Variants in SLC18A2 observed in about 807,000 individuals in gnomAD.
The protein encoded by SLC18A2 is solute carrier family 18 member A2.
In SLC18A2, 33 loss-of-function variants were observed where a neutral mutation model predicts 59.2. The ratio of observed to expected loss-of-function variants is 0.56; its 90% CI spans 0.42 to 0.75. The LOEUF (loss-of-function observed/expected upper bound fraction) is 0.75. SLC18A2 is among the 30% of genes least tolerant of loss of function. The probability of loss-of-function intolerance (pLI) is 0.00; values close to 1 mark genes in which losing one functional copy is unlikely to be tolerated. For missense variants in SLC18A2, 569 were observed against 668.6 expected (o/e 0.85, Z 1.64); for synonymous variants, 228 against 253.5 (o/e 0.90, Z 0.95).
chr10:117,275,570 G>A (rs576257577), intron 15 of SLC18A2, among the ~76,000 whole-genome samples: 76 of 152,278 alleles, frequency 5.0e-4, no homozygotes, highest in Non-Finnish European at 8.8e-4. Flanking sequence ...TAACTACCAC[G>A]GAGTGCTGCA....
chr10:117,257,985 G>A (rs188249434), intron 10 of SLC18A2, 93 bp downstream of exon 10: 41 of 766,876 alleles, frequency 5.3e-5, no homozygotes, highest in Admixed American at 2.0e-4. Flanking sequence ...GCCCTTATGG[G>A]GATGATAAAG....
intron 3 of SLC18A2, among the ~76,000 whole-genome samples, chr10:117,251,722 C>T (rs896563872): frequency 1.1e-4 from 16 of 152,106 alleles, no homozygotes; most frequent in Admixed American, 3.9e-4. Flanking sequence ...CTATATATGC[C>T]GTTTGGGTAC....
At chr10:117,275,603 C>T (rs1025366047) in intron 15 of SLC18A2, among the ~76,000 whole-genome samples, 1 of 152,202 alleles carries the variant, frequency 6.6e-6, no homozygotes, top group African/African-American at 2.4e-5. Flanking sequence ...CTGCCCCATC[C>T]TAGCTGTACA....
rs2133752765 is a variant in SLC18A2 at position 117,279,374 on chromosome 10, G to A, written c.*2108G>A. On this transcript the variant is annotated 3_prime_UTR_variant, in exon 16 of 16. Coordinates refer to ENST00000644641, the MANE Select transcript of SLC18A2 (RefSeq NM_003054.6). ...GCAATGAATATTCAACTGTTTGACT[G>A]CTAAGTGTATCTGTCCATATTTTAG... 3 of 152,278 alleles carry A rather than the reference G, an allele frequency of 2.0e-5. No homozygotes were observed. The Middle Eastern group carries it at 0.01, about 522-fold the overall frequency. 9.4% of individuals were successfully genotyped at this position (152,278 alleles called of 1,614,324 possible).
chr10:117,241,662 G>C lies in SLC18A2; in HGVS notation c.-15-17G>C, dbSNP rs774960199. On this transcript the variant is annotated splice_polypyrimidine_tract_variant and intron_variant, in intron 1 of 15. Coordinates refer to ENST00000644641, the MANE Select transcript of SLC18A2 (RefSeq NM_003054.6). ...TCCACGGCCGCCTTGGGTCCTCACC[G>C]CGCACCGCGCCCGCAGCGGAGCCCC... The C allele has an allele frequency of 3.9e-6, 6 of 1,546,946 alleles. No individual in the cohort carries two copies. Among genetic ancestry groups the C allele is most frequent in the Non-Finnish European group, 5.2e-6 (6 of 1,148,994 alleles).
chr10:117,261,849 G>C (rs1014098196), intron 10 of SLC18A2, among the ~76,000 whole-genome samples: 2 of 152,240 alleles, frequency 1.3e-5, no homozygotes, highest in Non-Finnish European at 2.9e-5. Flanking sequence ...AGATGGTGAT[G>C]ATGGTTGCTC....
intron 3 of SLC18A2, among the ~76,000 whole-genome samples, chr10:117,251,907 T>C (rs1468746560): frequency 1.3e-5 from 2 of 152,060 alleles, no homozygotes; most frequent in Non-Finnish European, 2.9e-5. Flanking sequence ...TGGGTGTAAA[T>C]GCTTGGAGAA....
chr10:117,253,397 A>G lies in SLC18A2; in HGVS notation c.465-2A>G. 6.2e-7 allele frequency: 1 copy of G among 1,611,608 alleles called. No individual in the cohort carries two copies. Among genetic ancestry groups the G allele is most frequent in the South Asian group, 1.1e-5 (1 of 91,030 alleles). ...GATTTGTCTGATGTTTGTGTTTTGCAGAATTGGCTATCCAATTCCCATATT... is the reference window on the plus strand; with the variant it reads ...GATTTGTCTGATGTTTGTGTTTTGCGGAATTGGCTATCCAATTCCCATATT... On this transcript the variant is annotated splice_acceptor_variant, in intron 3 of 15. Transcript: ENST00000644641. LOFTEE classifies it high-confidence loss of function.
rs1208262023 is a variant in SLC18A2 at position 117,253,418 on chromosome 10, A to G, written c.484A>G (p.Ile162Val). ...TTGCAGAATTGGCTATCCAATTCCCATATTTGCGGGATTCTGCATCATGTT... is the reference window on the plus strand; with the variant it reads ...TTGCAGAATTGGCTATCCAATTCCCGTATTTGCGGGATTCTGCATCATGTT... ...LTNRIGYPIP[I>V]FAGFCIMFVS... Residue 162 changes from isoleucine (I) to valine (V), a missense_variant, in exon 4 of 16, where the codon ATA becomes GTA. Coordinates refer to ENST00000644641, the MANE Select transcript of SLC18A2 (RefSeq NM_003054.6). The G allele has an allele frequency of 1.2e-6, 2 of 1,613,742 alleles. No homozygotes were observed. Among genetic ancestry groups the G allele is most frequent in the Non-Finnish European group, 1.7e-6 (2 of 1,179,766 alleles).
At chr10:117,264,373 G>A (rs1051694675) in intron 10 of SLC18A2, among the ~76,000 whole-genome samples, 5 of 152,354 alleles carry the variant, frequency 3.3e-5, no homozygotes, top group Non-Finnish European at 5.9e-5. Flanking sequence ...CACTTTGGGA[G>A]GCTGAGGCAG....
intron 10 of SLC18A2, among the ~76,000 whole-genome samples, chr10:117,262,093 G>C (rs1176229492): frequency 6.6e-6 from 1 of 152,162 alleles, no homozygotes; most frequent in Non-Finnish European, 1.5e-5. Flanking sequence ...TTTTAGTAGA[G>C]ACAGGGTTTC....
intron 4 of SLC18A2, 77 bp downstream of exon 4, chr10:117,253,534 A>C: frequency 5.1e-6 from 2 of 390,942 alleles, no homozygotes; most frequent in East Asian, 1.6e-4. Flanking sequence ...GGGAATTAAC[A>C]ATACAACCTA....
rs149937972 is a variant in SLC18A2 at position 117,249,158 on chromosome 10, G to A, written c.465-4241G>A. On this transcript the variant is annotated intron_variant, in intron 3 of 15. Coordinates refer to ENST00000644641, the MANE Select transcript of SLC18A2 (RefSeq NM_003054.6). ...CAGCTTCTCTATGGACAGGGAAACCGGCTGTTCTGAGAAGAGATCTCCCAT... is the reference window on the plus strand; with the variant it reads ...CAGCTTCTCTATGGACAGGGAAACCAGCTGTTCTGAGAAGAGATCTCCCAT... Among the ~76,000 whole-genome samples, 59 of 152,306 alleles carry A rather than the reference G, an allele frequency of 3.9e-4. No homozygotes were observed. The East Asian group carries it at 0.011, about 28-fold the overall frequency.
chr10:117,275,018 C>T (rs1844469024), intron 15 of SLC18A2, among the ~76,000 whole-genome samples: 1 of 152,166 alleles, frequency 6.6e-6, no homozygotes, highest in South Asian at 2.1e-4. Context: ...CATTTTTTAA[C>T]CTGCTCCATC....
chr10:117,276,130 A>T (rs963329032), intron 15 of SLC18A2, among the ~76,000 whole-genome samples: 6 of 151,790 alleles, frequency 4.0e-5, no homozygotes, highest in African/African-American at 1.5e-4. Context: ...CTCTACAAAA[A>T]AAAAAAAATT....
chr10:117,250,113 G>C (rs1844145663), intron 3 of SLC18A2, among the ~76,000 whole-genome samples: 1 of 152,174 alleles, frequency 6.6e-6, no homozygotes, highest in Admixed American at 6.5e-5. Context: ...TCCTTCTATG[G>C]TGGGTGCCCG....
Position 117,241,739 on chromosome 10 carries a change from C to T in SLC18A2, c.46C>T (p.Arg16Cys), listed in dbSNP as rs1297159176. The T allele has an allele frequency of 6.2e-7, 1 of 1,609,226 alleles. No individual in the cohort carries two copies. The highest frequency in any genetic ancestry group is 2.2e-5 in the East Asian group (1 of 44,540). The change falls in exon 2 of 16, where the codon CGC becomes TGC. Residue 16 changes from arginine (R) to cysteine (C), a missense_variant. Around this residue, in one of 2 missense-constraint regions of SLC18A2, gnomAD observed 377 missense variants for 389.8 expected, o/e 0.97. Transcript: ENST00000644641. The stretch of plus-strand genomic sequence containing the variant: ...GCTGGTCCGCTGGCTGCAGGAGAGC[C>T]GCCGCTCGCGGAAGCTCATCCTGTT... ...LALVRWLQES[R>C]RSRKLILFIV...
At chr10:117,252,235 C>T (rs535872541) in intron 3 of SLC18A2, among the ~76,000 whole-genome samples, 74 of 148,872 alleles carry the variant, frequency 5.0e-4, no homozygotes, top group African/African-American at 1.3e-3. Context: ...CCGCCCACCT[C>T]GGCCTCCCAA....
chr10:117,278,472 A>T lies in SLC18A2; in HGVS notation c.*1206A>T, dbSNP rs1844531725. 6.6e-6 allele frequency: 1 copy of T among 152,184 alleles called. No individual in the cohort carries two copies. The highest frequency in any genetic ancestry group is 2.1e-4 in the South Asian group (1 of 4,830). The allele number at this position is 152,184 out of a possible 1,614,324, so 9.4% of individuals were successfully genotyped here. A position where few individuals can be genotyped will look rare whatever the true frequency, so the allele number is the denominator to read the frequency against. ...TATTTTTCTAAGCATGACAACATTG[A>T]TGTGCCTTTTCAGTGTAACAGCAAA... On this transcript the variant is annotated 3_prime_UTR_variant, in exon 16 of 16. Transcript: ENST00000644641.
Sources: allele counts gnomAD v4.1 joint callset (sites outside exome capture counted in the v4.1 genomes callset), GRCh38; gene constraint gnomAD v4.1.1; regional missense constraint gnomAD v4.1.1; transcripts MANE v1.5; gene names NCBI Gene and HGNC (gene_info 2026-07-23, HGNC 2026-07-21).